Variants in MCF2L observed in about 807,000 individuals in gnomAD.
The protein encoded by MCF2L is guanine nucleotide exchange factor DBS.
In MCF2L, 97 loss-of-function variants were observed where a neutral mutation model predicts 153.4. The ratio of observed to expected loss-of-function variants is 0.63; its 90% CI spans 0.54 to 0.75. MCF2L has a LOEUF of 0.75. Among genes scored for constraint, MCF2L ranks in the 30% least tolerant of loss-of-function variants. The pLI is 0.00. For synonymous variants in MCF2L, 659 were observed against 632.2 expected (o/e 1.04, Z -0.64); for missense variants, 1,347 against 1,495.2 (o/e 0.90, Z 1.64).
intron 2 of MCF2L, among the ~76,000 whole-genome samples, chr13:112,924,639 C>T (rs1159604983): frequency 6.6e-6 from 1 of 152,182 alleles, no homozygotes; most frequent in African/African-American, 2.4e-5. Context: ...TAGGGAAGCT[C>T]CACATGACAA....
intron 13 of MCF2L, 23 bp from the exon 14 acceptor site, chr13:113,078,340 C>T (rs1212620435): frequency 6.3e-7 from 1 of 1,599,146 alleles, no homozygotes; most frequent in Non-Finnish European, 8.6e-7. Flanking sequence ...GACTTCATGC[C>T]CCGCTCCCCT....
At chr13:113,019,708 G>A (rs956999954) in intron 2 of MCF2L, among the ~76,000 whole-genome samples, 1 of 152,218 alleles carries the variant, frequency 6.6e-6, no homozygotes, top group African/African-American at 2.4e-5. Context: ...TAACCCCAGA[G>A]GTGATGTTTG....
chr13:112,902,098 A>G lies in MCF2L; in HGVS notation c.-4-101A>G. ...CTATCTTCACTGCAGAATAAATACC[A>G]CGAAGGTTGTAACTAGTTATTTCGG... On this transcript the variant is annotated intron_variant, in intron 1 of 29. Coordinates refer to the MCF2L transcript ENST00000375608. The G allele has an allele frequency of 1.6e-5, 14 of 852,452 alleles. No individual in the cohort carries two copies. The South Asian group carries it at 2.2e-4, about 13-fold the overall frequency. The allele number at this position is 852,452 out of a possible 1,614,324, so 52.8% of individuals were successfully genotyped here. A position where few individuals can be genotyped will look rare whatever the true frequency, so the allele number is the denominator to read the frequency against.
chr13:112,965,068 T>G (rs1325385934), upstream of MCF2L: 1 of 152,260 alleles, frequency 6.6e-6, no homozygotes, highest in East Asian at 1.9e-4. Context: ...CGTTTATAGT[T>G]TATGTTAATG....
rs527983119 is a variant in MCF2L at position 113,061,127 on chromosome 13, T to A, written c.489+415T>A. 4.1e-3 allele frequency among the ~76,000 whole-genome samples: 617 copies of A among 152,198 alleles called. 5 individuals carry two copies. The highest frequency in any genetic ancestry group is 0.014 in the African/African-American group (585 of 41,516). On this transcript the variant is annotated intron_variant, in intron 5 of 29. Transcript: ENST00000535094. ...ATGAGAGAAGGGCTGGGGAGGGGGCTGTAAGCATCTCTGGACCTGGGAGGG... is the reference window on the plus strand; with the variant it reads ...ATGAGAGAAGGGCTGGGGAGGGGGCAGTAAGCATCTCTGGACCTGGGAGGG...
intron 21 of MCF2L, among the ~76,000 whole-genome samples, chr13:113,086,829 T>C (rs1214011059): frequency 3.3e-5 from 5 of 152,170 alleles, no homozygotes; most frequent in African/African-American, 9.7e-5. Context: ...CCCTGAGGCT[T>C]CCCCTAGTGT....
rs545111388 is a variant in MCF2L at position 112,897,262 on chromosome 13, G to A, written c.-5+2831G>A. The stretch of plus-strand genomic sequence containing the variant: ...AGCCAACGGTAGGATACGGGACACG[G>A]TATGGCCACCGAGAAGCTTTTGGAC... On this transcript the variant is annotated intron_variant, in intron 1 of 29. Transcript: ENST00000375608. 4.0e-5 allele frequency among the ~76,000 whole-genome samples: 6 copies of A among 150,606 alleles called. No individual in the cohort carries two copies. In the South Asian group the frequency reaches 1.3e-3, roughly 32 times the overall value.
chr13:112,947,222 A>G (rs1286210987), intron 2 of MCF2L, among the ~76,000 whole-genome samples: 1 of 152,198 alleles, frequency 6.6e-6, no homozygotes, highest in Non-Finnish European at 1.5e-5. Context: ...AGCATTGGCT[A>G]TTAGGTTTCA....
Position 113,096,597 on chromosome 13 carries a change from G to A in MCF2L, c.3236G>A (p.Ser1079Asn), listed in dbSNP as rs1261037952. Residue 1079 changes from serine to asparagine, a missense_variant, in exon 29 of 30, where the codon AGC (serine) becomes AAC (asparagine). By Grantham distance (46) the Ser-to-Asn change is conservative. Transcript: ENST00000535094. Reference sequence around the variant, plus strand: ...GGCAAGGAGGGCTGGGTGCCGGCCAGCAGCCTGTCCGTCCGGCTCGGCCCG... The same window carrying A: ...GGCAAGGAGGGCTGGGTGCCGGCCAACAGCCTGTCCGTCCGGCTCGGCCCG... ...TTGKEGWVPA[S>N]SLSVRLGPSG... The A allele has an allele frequency of 6.2e-7, 1 of 1,603,156 alleles. No individual in the cohort carries two copies. Among genetic ancestry groups the A allele is most frequent in the East Asian group, 2.2e-5 (1 of 44,768 alleles).
Position 113,096,963 on chromosome 13 carries a change from C to A in MCF2L, c.*104C>A. The A allele has an allele frequency of 1.4e-6, 1 of 739,126 alleles. No homozygotes were observed. Among genetic ancestry groups the A allele is most frequent in the Non-Finnish European group, 1.9e-6 (1 of 525,666 alleles). 45.8% of individuals were successfully genotyped at this position (739,126 alleles called of 1,614,324 possible). On this transcript the variant is annotated 3_prime_UTR_variant, in exon 30 of 30. Coordinates refer to ENST00000535094, the MANE Select transcript of MCF2L (RefSeq NM_001112732.3). ...AGGAAGGGGCACCTCACCGCCCCCA[C>A]CCAGAGCGCCTGGCCGTGCGGGCTG...
intron 1 of MCF2L, among the ~76,000 whole-genome samples, chr13:112,978,131 T>C (rs2082276337): frequency 6.6e-6 from 1 of 152,172 alleles, no homozygotes; most frequent in Non-Finnish European, 1.5e-5. Context: ...CCACGCGAAA[T>C]GCGCCATCTG....
intron 3 of MCF2L, among the ~76,000 whole-genome samples, chr13:113,041,976 A>G (rs1406449693): frequency 6.6e-6 from 1 of 152,148 alleles, no homozygotes; most frequent in Non-Finnish European, 1.5e-5. Context: ...CTGTGCCTGG[A>G]GAGGATCATA....
At chr13:113,056,265 AGTGTTTGGGTGCTGT>A (rs1278726422) in intron 4 of MCF2L, among the ~76,000 whole-genome samples, 15 of 149,336 alleles carry the variant, frequency 1.0e-4, no homozygotes, top group African/African-American at 3.2e-4. Flanking sequence ...TTGGGTGCTG[AGTGTTTGGGTGCTGT>A]GTGTTTGGGT....
intron 3 of MCF2L, among the ~76,000 whole-genome samples, chr13:113,033,125 A>G (rs1215204396): frequency 7.8e-6 from 1 of 128,018 alleles, no homozygotes. Context: ...GGCCCCCGTG[A>G]TGTGAGTGGC....
chr13:113,011,702 C>G, intron 1 of MCF2L, among the ~76,000 whole-genome samples: 1 of 135,596 alleles, frequency 7.4e-6, no homozygotes, highest in Non-Finnish European at 1.6e-5. Context: ...GGACGGTGGA[C>G]ACCGTGATGC....
rs548293539 is a variant in MCF2L, at chr13:113,015,894, T to C, written c.163+1048T>C. On this transcript the variant is annotated intron_variant, in intron 2 of 29. Coordinates refer to ENST00000535094, the MANE Select transcript of MCF2L (RefSeq NM_001112732.3). ...CTGTGTCGGGGACCAGGCGTGGTGA[T>C]GGCTCAAGAGAGGCGCCGTGGTTTC... is the stretch of plus-strand genomic sequence containing the variant. Among the ~76,000 whole-genome samples the C allele has an allele frequency of 2.5e-3, 377 of 152,286 alleles. 2 individuals carry two copies. The highest frequency in any genetic ancestry group is 8.8e-3 in the African/African-American group (366 of 41,554).
intron 2 of MCF2L, among the ~76,000 whole-genome samples, chr13:113,021,722 G>C (rs374046067): frequency 6.6e-6 from 1 of 152,218 alleles, no homozygotes. Flanking sequence ...CCAGCTCCGC[G>C]TCCAGCGGTG....
chr13:113,007,374 G>C (rs2083774266), intron 1 of MCF2L, among the ~76,000 whole-genome samples: 1 of 152,218 alleles, frequency 6.6e-6, no homozygotes, highest in Non-Finnish European at 1.5e-5. Flanking sequence ...GAACAGCGGG[G>C]GTCTAACCCC....
chr13:112,961,138 G>A (rs936179395), intron 2 of MCF2L, among the ~76,000 whole-genome samples: 29 of 99,250 alleles, frequency 2.9e-4, no homozygotes, highest in Non-Finnish European at 6.1e-4. Flanking sequence ...TGTTCTCCAC[G>A]TGTGTCCATG....
Sources: gnomAD v4.1 joint callset for allele counts (sites outside exome capture counted in the v4.1 genomes callset) on GRCh38, gnomAD v4.1.1 for gene constraint, MANE v1.5 for transcripts, NCBI Gene and HGNC (gene_info 2026-07-23, HGNC 2026-07-21) for gene names.